Variants in NUP62 observed in about 807,000 individuals in gnomAD.
NUP62 encodes nuclear pore glycoprotein p62.
For synonymous variants in NUP62, 305 were observed against 303.4 expected (o/e 1.01, Z -0.05); for missense variants, 647 against 689.4 (o/e 0.94, Z 0.69).
At chr19:49,909,993 T>A (rs1453513595) in intron 2 of NUP62, 109 bp from the exon 3 acceptor site, 1 of 696,100 alleles carries the variant, frequency 1.4e-6, no homozygotes, top group Non-Finnish European at 2.6e-6. Flanking sequence ...TAATGATGCA[T>A]GCTGTGTAAC....
rs4009637 is a variant in NUP62, at chr19:49,907,537, CTTT to C, written c.*699_*701del. On this transcript the variant is annotated 3_prime_UTR_variant, in exon 3 of 3. Coordinates refer to ENST00000352066, the MANE Select transcript of NUP62 (RefSeq NM_016553.5). ...CTAGGCTGCTGTCTCCTGGGAGTTTCTTTTTTTTTTTTTTTTTTTTTGAGACAG... is the reference window on the plus strand; with the variant it reads ...CTAGGCTGCTGTCTCCTGGGAGTTTCTTTTTTTTTTTTTTTTTTGAGACAG... The C allele has an allele frequency of 0.045, 14,443 of 317,940 alleles. 1 individual carries two copies. Among genetic ancestry groups the C allele is most frequent in the East Asian group, 0.063 (717 of 11,334 alleles). 19.7% of individuals were successfully genotyped at this position (317,940 alleles called of 1,614,324 possible).
intron 2 of NUP62, among the ~76,000 whole-genome samples, chr19:49,926,883 TCTCA>T (rs2075906346): frequency 6.9e-6 from 1 of 144,792 alleles, no homozygotes; most frequent in African/African-American, 2.6e-5. Flanking sequence ...TGAGACGAGG[TCTCA>T]CTCTGTCACC....
intron 2 of NUP62, chr19:49,918,627 T>C (rs1328351992): frequency 6.6e-6 from 1 of 152,114 alleles, no homozygotes; most frequent in Non-Finnish European, 1.5e-5. Context: ...AGGACCTGTG[T>C]GGAGACAAAG....
At position 49,908,600 on chromosome 19, in the gene NUP62, A is replaced by G. The variant is rs767989169; in HGVS notation, c.1208T>C (p.Leu403Pro). The change falls in exon 3 of 3, where the codon CTG becomes CCG. Residue 403 changes from leucine to proline, a missense_variant. Coordinates refer to ENST00000352066, the MANE Select transcript of NUP62 (RefSeq NM_016553.5). ...CTCCAGTGGGCTCAGCAGGTCTTCC[A>G]GCTCCTTCTGCTGGGACAGGATGAA... is the stretch of plus-strand genomic sequence containing the variant. ...LDFILSQQKE[L>P]EDLLSPLEEL... The G allele has an allele frequency of 1.2e-6, 2 of 1,613,914 alleles. No homozygotes were observed. The highest frequency in any genetic ancestry group is 3.3e-5 in the Admixed American group (2 of 59,992).
intron 2 of NUP62, among the ~76,000 whole-genome samples, chr19:49,923,977 C>T (rs139694459): frequency 7.0e-4 from 107 of 152,368 alleles, no homozygotes; most frequent in African/African-American, 2.4e-3. Context: ...GAGCCTTTTC[C>T]ATCATGCCAG....
intron 2 of NUP62, among the ~76,000 whole-genome samples, chr19:49,920,432 T>C (rs536116622): frequency 3.0e-4 from 46 of 152,328 alleles, no homozygotes; most frequent in African/African-American, 1.1e-3. Context: ...ACTGTGGTGA[T>C]GGCTGCACAA....
intron 2 of NUP62, among the ~76,000 whole-genome samples, chr19:49,919,658 A>C (rs1174204929): frequency 6.6e-6 from 1 of 152,198 alleles, no homozygotes; most frequent in Non-Finnish European, 1.5e-5. Context: ...CCCCAGGCCC[A>C]GAAGCTACCA....
At chr19:49,929,083 CAGG>C (rs2075991932) in intron 1 of NUP62, 1 of 152,406 alleles carries the variant, frequency 6.6e-6, no homozygotes. Flanking sequence ...CCCTGATCCC[CAGG>C]AGGAGGGGAC....
Position 49,908,099 on chromosome 19 carries a change from C to G in NUP62, c.*140G>C. 1 of 1,486,200 alleles carries G rather than the reference C, an allele frequency of 6.7e-7. No homozygotes were observed. Among genetic ancestry groups the G allele is most frequent in the Non-Finnish European group, 8.9e-7 (1 of 1,118,812 alleles). 92.1% of individuals were successfully genotyped at this position (1,486,200 alleles called of 1,614,324 possible). On this transcript the variant is annotated 3_prime_UTR_variant, in exon 3 of 3. Transcript: ENST00000352066. ...CCTAAATGGAAAAACGCAAAGCACA[C>G]AGCGATCATGTCAAGGGCAGTCATG... is the stretch of plus-strand genomic sequence containing the variant.
In NUP62 at chr19:49,909,856, C is replaced by T. The variant is rs756579406; in HGVS notation, c.-49G>A. On this transcript the variant is annotated 5_prime_UTR_variant, in exon 3 of 3. Transcript: ENST00000352066. ...GCTACTCTGGCTCCCAAAGCAAATC[C>T]GTCGGTGTCTGCAGCCTTGGGAAGA... The T allele has an allele frequency of 1.1e-5, 18 of 1,586,072 alleles. No homozygotes were observed. The highest frequency in any genetic ancestry group is 2.2e-5 in the East Asian group (1 of 44,672).
chr19:49,918,904 G>A (rs1333494504), intron 2 of NUP62, among the ~76,000 whole-genome samples: 1 of 148,542 alleles, frequency 6.7e-6, no homozygotes. Flanking sequence ...CTGGGGGGGG[G>A]GGGGCGGGGT....
At chr19:49,919,932 A>AT (rs973204115) in intron 2 of NUP62, among the ~76,000 whole-genome samples, 41 of 149,948 alleles carry the variant, frequency 2.7e-4, no homozygotes, top group Middle Eastern at 7.0e-3. Flanking sequence ...TTAAAAAAAA[A>AT]TTTTTTTTTT....
chr19:49,924,610 G>A (rs977308681), intron 2 of NUP62, among the ~76,000 whole-genome samples: 3 of 152,240 alleles, frequency 2.0e-5, no homozygotes, highest in African/African-American at 7.2e-5. Flanking sequence ...TCGAGGCTGG[G>A]GGAGGCCAGG....
chr19:49,927,423 G>C (rs2075926138), intron 2 of NUP62, among the ~76,000 whole-genome samples: 1 of 152,112 alleles, frequency 6.6e-6, no homozygotes, highest in Admixed American at 6.5e-5. Context: ...GCATGTTTTG[G>C]TAAGGTTTAC....
intron 2 of NUP62, among the ~76,000 whole-genome samples, chr19:49,919,205 T>C (rs2075704953): frequency 6.6e-6 from 1 of 152,206 alleles, no homozygotes; most frequent in African/African-American, 2.4e-5. Context: ...CACATTGTTG[T>C]AGCTCAAAAG....
chr19:49,918,879 C>T (rs936719153), intron 2 of NUP62, among the ~76,000 whole-genome samples: 13 of 132,948 alleles, frequency 9.8e-5, no homozygotes, highest in Admixed American at 5.1e-4. Context: ...CCTGCAATCC[C>T]AGCACTTTGG....
Position 49,921,161 on chromosome 19 carries a change from T to C in NUP62, c.-78+6533A>G, listed in dbSNP as rs1255402974. On this transcript the variant is annotated intron_variant, in intron 2 of 2. Coordinates refer to ENST00000352066, the MANE Select transcript of NUP62 (RefSeq NM_016553.5). The surrounding 1 kb of genome is among the most constrained non-coding windows in gnomAD (Gnocchi z 5.4). Reference sequence around the variant, plus strand: ...TCACCTGTTCTCACTCACTTAACTTTCCCCCAGCAATGTGACGAAGCGAAA... The same window carrying C: ...TCACCTGTTCTCACTCACTTAACTTCCCCCCAGCAATGTGACGAAGCGAAA... 6.6e-6 allele frequency among the ~76,000 whole-genome samples: 1 copy of C among 151,950 alleles called. No individual in the cohort carries two copies. Among genetic ancestry groups the C allele is most frequent in the Non-Finnish European group, 1.5e-5 (1 of 67,998 alleles).
chr19:49,919,496 G>T (rs1271440681), intron 2 of NUP62, among the ~76,000 whole-genome samples: 1 of 152,168 alleles, frequency 6.6e-6, no homozygotes, highest in African/African-American at 2.4e-5. Flanking sequence ...ACTTGCCCAG[G>T]GTACCAAAAT....
intron 2 of NUP62, among the ~76,000 whole-genome samples, chr19:49,915,093 A>C (rs1212150696): frequency 6.6e-6 from 1 of 151,966 alleles, no homozygotes; most frequent in African/African-American, 2.4e-5. Context: ...GGGAAAGAAT[A>C]CAGGAGACCT....
Sources: allele counts gnomAD v4.1 joint callset (sites outside exome capture counted in the v4.1 genomes callset), GRCh38; gene constraint gnomAD v4.1.1; non-coding constraint Gnocchi (gnomAD v3.1); transcripts MANE v1.5; gene names NCBI Gene and HGNC (gene_info 2026-07-23, HGNC 2026-07-21).